Variants in PSD3 observed in about 807,000 individuals in gnomAD.
PSD3 encodes the protein pleckstrin and Sec7 domain containing 3.
Under a neutral mutation model 105.5 loss-of-function variants are expected in PSD3, and 49 were observed. The observed-to-expected ratio is 0.46, with a 90% CI of 0.37 to 0.59. The LOEUF is 0.59. Among genes scored for constraint, PSD3 ranks in the 20% least tolerant of loss-of-function variants. PSD3 has a pLI of 0.00. For synonymous variants in PSD3, 557 were observed against 457.8 expected (o/e 1.22, Z -2.77); for missense variants, 1,561 against 1,263.8 (o/e 1.24, Z -3.57).
At chr8:19,043,769 G>A (rs1828216597) in intron 1 of PSD3, among the ~76,000 whole-genome samples, 1 of 152,150 alleles carries the variant, frequency 6.6e-6, no homozygotes, top group African/African-American at 2.4e-5. Flanking sequence ...CAGCAAGAAG[G>A]CCCTTACCAG....
chr8:18,593,102 T>G (rs1056879737), intron 12 of PSD3, among the ~76,000 whole-genome samples: 1 of 151,926 alleles, frequency 6.6e-6, no homozygotes, highest in Non-Finnish European at 1.5e-5. Context: ...GCAATGGCAA[T>G]AAAAGCCAAA....
At chr8:18,565,413 C>T (rs13259407) in intron 14 of PSD3, among the ~76,000 whole-genome samples, 72,453 of 152,068 alleles carry the variant, frequency 0.48, 18,739 homozygotes, top group Non-Finnish European at 0.59. Flanking sequence ...AAGAAGGCGA[C>T]TCCTCCTACA....
Position 18,652,438 on chromosome 8 carries a change from A to G in PSD3, c.2216+3204T>C, listed in dbSNP as rs28724291. Among the ~76,000 whole-genome samples, 1,034 of 151,012 alleles carry G rather than the reference A, an allele frequency of 6.8e-3. 14 individuals are homozygous for G. The highest frequency in any genetic ancestry group is 0.024 in the African/African-American group (992 of 41,126). On this transcript the variant is annotated intron_variant, in intron 10 of 15. Transcript: ENST00000327040. ...AGGTATGGGAGAAACGGGAGAGCAC[A>G]GTGTTATAAATAATTATATCCATGT...
chr8:18,819,242 T>C (rs779836872), intron 4 of PSD3, among the ~76,000 whole-genome samples: 4 of 152,138 alleles, frequency 2.6e-5, no homozygotes, highest in Non-Finnish European at 5.9e-5. Flanking sequence ...AGTCAACAAA[T>C]ACTTTGACAA....
intron 4 of PSD3, among the ~76,000 whole-genome samples, chr8:18,864,308 T>C (rs1257774323): frequency 6.6e-6 from 1 of 152,198 alleles, no homozygotes; most frequent in African/African-American, 2.4e-5. Flanking sequence ...AACCTCTCTG[T>C]ACCTCAGTTT....
chr8:18,649,627 G>T (rs546492834), intron 10 of PSD3, among the ~76,000 whole-genome samples: 147 of 152,292 alleles, frequency 9.7e-4, no homozygotes, highest in South Asian at 1.7e-3. Context: ...ATGTGAGAAG[G>T]ACATGAGATT....
intron 4 of PSD3, chr8:18,808,811 C>T: frequency 6.2e-7 from 1 of 1,613,806 alleles, no homozygotes; most frequent in South Asian, 1.1e-5. Flanking sequence ...TGCGCCTGGA[C>T]CATCCTTCCT....
chr8:18,607,589 G>C lies in PSD3; in HGVS notation c.2411-7155C>G, dbSNP rs554102656. Among the ~76,000 whole-genome samples the C allele has an allele frequency of 1.7e-4, 26 of 150,608 alleles. No homozygotes were observed. In the Admixed American group the frequency reaches 1.7e-3, roughly 10 times the overall value. ...GGAGGCAATGTCTTGGATAAATCTG[G>C]GATCTAGGAGTGATATTAAAATTAC... On this transcript the variant is annotated intron_variant, in intron 11 of 15. Transcript: ENST00000327040.
chr8:18,814,103 A>T (rs17127249), intron 4 of PSD3, among the ~76,000 whole-genome samples: 3,622 of 152,354 alleles, frequency 0.024, 103 homozygotes, highest in African/African-American at 0.069. Context: ...ACAGCCTCTT[A>T]TGATTTAAGA....
At chr8:18,835,584 G>C (rs900767468) in intron 4 of PSD3, among the ~76,000 whole-genome samples, 3 of 152,202 alleles carry the variant, frequency 2.0e-5, no homozygotes, top group African/African-American at 7.2e-5. Flanking sequence ...ATACAGCCAA[G>C]GGGCCGTGGG....
intron 4 of PSD3, among the ~76,000 whole-genome samples, chr8:18,860,311 T>A (rs556250624): frequency 2.6e-5 from 4 of 152,016 alleles, no homozygotes; most frequent in Non-Finnish European, 5.9e-5. Flanking sequence ...CAGGTCACCA[T>A]AACAGATATA....
intron 9 of PSD3, among the ~76,000 whole-genome samples, chr8:18,721,504 G>C (rs554613373): frequency 6.6e-6 from 1 of 152,268 alleles, no homozygotes; most frequent in Admixed American, 6.5e-5. Context: ...AAGTTAAAAA[G>C]ATTGACGTTT....
At chr8:18,999,757 T>A (rs983237585) in intron 1 of PSD3, among the ~76,000 whole-genome samples, 2 of 151,698 alleles carry the variant, frequency 1.3e-5, no homozygotes, top group Admixed American at 6.6e-5. Context: ...CCAAGTTTTT[T>A]AAAAAATGGA....
rs1231238741 is a variant in PSD3 at position 18,754,611 on chromosome 8, G to A, written c.2172+10838C>T. ...AGGATCAGGTCAAAAATTTCAAAGT[G>A]AAAACTAATTGTGGGTATTATTAAA... On this transcript the variant is annotated intron_variant, in intron 9 of 15. Coordinates refer to ENST00000327040, the MANE Select transcript of PSD3 (RefSeq NM_015310.4). 5.9e-5 allele frequency among the ~76,000 whole-genome samples: 9 copies of A among 152,090 alleles called. 2 individuals carry two copies. The South Asian group carries it at 1.9e-3, about 32-fold the overall frequency.
intron 11 of PSD3, among the ~76,000 whole-genome samples, chr8:18,603,952 C>G (rs1239530120): frequency 6.6e-6 from 1 of 152,176 alleles, no homozygotes; most frequent in Non-Finnish European, 1.5e-5. Flanking sequence ...AATTAAACCT[C>G]TTTTCTTATA....
At position 18,627,992 on chromosome 8, in the gene PSD3, T is replaced by C. The variant is rs539688481; in HGVS notation, c.2410+4621A>G. Among the ~76,000 whole-genome samples, 193 of 151,790 alleles carry C rather than the reference T, an allele frequency of 1.3e-3. 1 individual carries two copies. The highest frequency in any genetic ancestry group is 4.5e-3 in the African/African-American group (187 of 41,434). On this transcript the variant is annotated intron_variant, in intron 11 of 15. Coordinates refer to ENST00000327040, the MANE Select transcript of PSD3 (RefSeq NM_015310.4). ...AAGGAGAGAAACGGAAGATATAAAA[T>C]AGACCCAAGTTGAACTTCAAAGATA...
chr8:18,579,307 C>T (rs1161816428), intron 12 of PSD3, among the ~76,000 whole-genome samples: 1 of 152,128 alleles, frequency 6.6e-6, no homozygotes, highest in Non-Finnish European at 1.5e-5. Context: ...CGTAATCAAA[C>T]CATTTCAAAC....
chr8:18,981,947 G>A (rs1462161708), intron 1 of PSD3, among the ~76,000 whole-genome samples: 1 of 152,046 alleles, frequency 6.6e-6, no homozygotes, highest in Non-Finnish European at 1.5e-5. Flanking sequence ...CAAAAATGAA[G>A]TTTGTCACAT....
intron 2 of PSD3, among the ~76,000 whole-genome samples, chr8:18,898,968 G>A (rs536298689): frequency 2.6e-5 from 4 of 152,102 alleles, no homozygotes; most frequent in Non-Finnish European, 5.9e-5. Flanking sequence ...CTCCAAAAAT[G>A]TTTCTTCTAT....
Sources: gnomAD v4.1 joint callset for allele counts (sites outside exome capture counted in the v4.1 genomes callset) on GRCh38, gnomAD v4.1.1 for gene constraint, MANE v1.5 for transcripts, NCBI Gene and HGNC (gene_info 2026-07-23, HGNC 2026-07-21) for gene names.